Variants in LRP1B observed in about 807,000 individuals in gnomAD.
The protein encoded by LRP1B is low-density lipoprotein receptor-related protein 1B.
A neutral mutation model predicts 556.6 loss-of-function variants in LRP1B; 217 were observed. That is an observed-to-expected ratio of 0.39 (90% confidence interval 0.35 to 0.44). The LOEUF (loss-of-function observed/expected upper bound fraction) is 0.44. Ranked by LOEUF, LRP1B falls within the 20% of genes least tolerant of loss-of-function variation. The pLI is 1.00. For missense variants in LRP1B, 5,053 were observed against 5,620.8 expected (o/e 0.90, Z 3.23); for synonymous variants, 2,047 against 1,865.8 (o/e 1.10, Z -2.50).
At chr2:140,396,524 A>G (rs1684264210) in intron 66 of LRP1B, among the ~76,000 whole-genome samples, 1 of 152,152 alleles carries the variant, frequency 6.6e-6, no homozygotes, top group Non-Finnish European at 1.5e-5. Context: ...TCTGGCTCCA[A>G]TTAACATATA....
At chr2:141,472,777 A>G (rs1031947407) in intron 3 of LRP1B, among the ~76,000 whole-genome samples, 8 of 148,676 alleles carry the variant, frequency 5.4e-5, no homozygotes, top group Non-Finnish European at 1.2e-4. Flanking sequence ...TTCTGTGATC[A>G]TTTCTAAACT....
At chr2:141,121,043 G>A (rs778489687) in intron 7 of LRP1B, among the ~76,000 whole-genome samples, 74 of 151,992 alleles carry the variant, frequency 4.9e-4, no homozygotes, top group Non-Finnish European at 8.7e-4. Flanking sequence ...GAATGCACAG[G>A]CCCTTAAAAG....
At chr2:140,627,760 C>T (rs1683718352) in intron 41 of LRP1B, among the ~76,000 whole-genome samples, 1 of 152,162 alleles carries the variant, frequency 6.6e-6, no homozygotes, top group South Asian at 2.1e-4. Context: ...TATCTCCTGT[C>T]AACCACAGCT....
intron 3 of LRP1B, among the ~76,000 whole-genome samples, chr2:141,450,104 G>T (rs1468042717): frequency 6.6e-6 from 1 of 152,052 alleles, no homozygotes; most frequent in Non-Finnish European, 1.5e-5. Context: ...AGAGAAGGAG[G>T]GTTGGAAGGA....
chr2:141,967,399 T>C (rs1417059377), intron 1 of LRP1B, among the ~76,000 whole-genome samples: 1 of 151,840 alleles, frequency 6.6e-6, no homozygotes, highest in Non-Finnish European at 1.5e-5. Context: ...TGCTTAAAAG[T>C]GTTTCATTTA....
At chr2:140,318,081 TTCAGGGTGCTCA>T (rs1684606861) in intron 82 of LRP1B, among the ~76,000 whole-genome samples, 1 of 152,110 alleles carries the variant, frequency 6.6e-6, no homozygotes, top group African/African-American at 2.4e-5. Context: ...ATTAAAAATG[TTCAGGGTGCTCA>T]TCAGTTAACA....
At chr2:141,722,432 G>T in intron 2 of LRP1B, among the ~76,000 whole-genome samples, 1 of 152,124 alleles carries the variant, frequency 6.6e-6, no homozygotes, top group East Asian at 1.9e-4. Flanking sequence ...AGGGCCCTGC[G>T]GTTAGATATC....
At chr2:141,527,470 A>G (rs1446671372) in intron 2 of LRP1B, among the ~76,000 whole-genome samples, 3 of 152,058 alleles carry the variant, frequency 2.0e-5, no homozygotes, top group Non-Finnish European at 2.9e-5. Context: ...GTAACTCTTC[A>G]TTACTTGCCA....
chr2:141,068,529 G>T (rs1215225025), intron 7 of LRP1B, among the ~76,000 whole-genome samples: 1 of 141,622 alleles, frequency 7.1e-6, no homozygotes, highest in Non-Finnish European at 1.5e-5. Flanking sequence ...GGGCCATGTT[G>T]TCTCCTCCTG....
chr2:140,249,068 C>T (rs780627837), intron 86 of LRP1B, among the ~76,000 whole-genome samples: 9 of 151,248 alleles, frequency 6.0e-5, no homozygotes, highest in Non-Finnish European at 1.3e-4. Flanking sequence ...AAATCAGGTT[C>T]ATCTTAGATA....
intron 6 of LRP1B, among the ~76,000 whole-genome samples, chr2:141,219,968 G>A (rs552209351): frequency 6.6e-6 from 1 of 152,266 alleles, no homozygotes; most frequent in African/African-American, 2.4e-5. Flanking sequence ...CCACCAAGAT[G>A]AGAAAGAATT....
At chr2:142,051,183 C>G (rs1344104038) in intron 1 of LRP1B, among the ~76,000 whole-genome samples, 3 of 151,868 alleles carry the variant, frequency 2.0e-5, no homozygotes, top group African/African-American at 7.3e-5. Context: ...GCCTTTCTAA[C>G]AGGCACATTG....
chr2:141,375,818 G>T (rs1158380545), intron 3 of LRP1B, among the ~76,000 whole-genome samples: 1 of 152,046 alleles, frequency 6.6e-6, no homozygotes, highest in Non-Finnish European at 1.5e-5. Context: ...GACCACTGTG[G>T]GGCAGTGAGT....
In LRP1B at chr2:140,989,574, C is replaced by CATT; in HGVS notation, c.2725_2727dup (p.Asn909dup). 1 of 1,613,320 alleles carries CATT rather than the reference C, an allele frequency of 6.2e-7. No homozygotes were observed. The highest frequency in any genetic ancestry group is 8.5e-7 in the Non-Finnish European group (1 of 1,179,480). ...GATTCATCTTCATTGCTCCCACAGTCATTAGCTCCATCACAAAGCCATCTC... is the reference window on the plus strand; with the variant it reads ...GATTCATCTTCATTGCTCCCACAGTCATTATTAGCTCCATCACAAAGCCATCTC... On this transcript the variant is annotated inframe_insertion, in exon 17 of 91. Coordinates refer to ENST00000389484, the MANE Select transcript of LRP1B (RefSeq NM_018557.3).
intron 2 of LRP1B, among the ~76,000 whole-genome samples, chr2:141,554,762 C>T (rs568858075): frequency 6.6e-6 from 1 of 152,064 alleles, no homozygotes; most frequent in East Asian, 1.9e-4. Context: ...CTTGAATAGT[C>T]TTTTGTTCCT....
At chr2:141,942,286 A>C (rs1180182898) in intron 1 of LRP1B, among the ~76,000 whole-genome samples, 1 of 152,168 alleles carries the variant, frequency 6.6e-6, no homozygotes, top group East Asian at 1.9e-4. Flanking sequence ...CTGCTCAATG[A>C]AGTAAATAGT....
At chr2:140,446,104 G>C (rs1388585607) in intron 63 of LRP1B, among the ~76,000 whole-genome samples, 3 of 152,010 alleles carry the variant, frequency 2.0e-5, no homozygotes, top group Admixed American at 6.6e-5. Flanking sequence ...ATAACATTTT[G>C]TTAATTAATA....
intron 15 of LRP1B, among the ~76,000 whole-genome samples, chr2:141,004,944 C>T (rs1697525265): frequency 6.6e-6 from 1 of 151,976 alleles, no homozygotes; most frequent in African/African-American, 2.4e-5. Context: ...TGCTCTTCAC[C>T]ACTTAATACA....
intron 3 of LRP1B, among the ~76,000 whole-genome samples, chr2:141,474,582 GA>G (rs1682629484): frequency 1.3e-5 from 2 of 152,112 alleles, no homozygotes; most frequent in African/African-American, 2.4e-5. Flanking sequence ...CATATATTAG[GA>G]AAGTTATTTT....
Sources: allele counts gnomAD v4.1 joint callset (sites outside exome capture counted in the v4.1 genomes callset), GRCh38; gene constraint gnomAD v4.1.1; transcripts MANE v1.5; gene names NCBI Gene and HGNC (gene_info 2026-07-23, HGNC 2026-07-21).